Variants in ZNF766 observed in about 807,000 individuals in gnomAD.
The protein encoded by ZNF766 is zinc finger protein 766.
In ZNF766, 13 loss-of-function variants were observed where a neutral mutation model predicts 13.2. The ratio of observed to expected loss-of-function variants is 0.98; its 90% confidence interval spans 0.64 to 1.56. ZNF766 has a LOEUF of 1.56. ZNF766 is among the 40% of genes most tolerant of loss of function. ZNF766 has a pLI of 0.00. For synonymous variants in ZNF766, 178 were observed against 187.6 expected (o/e 0.95, Z 0.42); for missense variants, 521 against 552.2 (o/e 0.94, Z 0.57).
chr19:52,273,284 A>G (rs545315327), intron 1 of ZNF766, among the ~76,000 whole-genome samples: 1 of 152,352 alleles, frequency 6.6e-6, no homozygotes, highest in African/African-American at 2.4e-5. Context: ...CTGGGATTAC[A>G]GGCATGAGCC....
chr19:52,274,228 A>G (rs1264776733), intron 1 of ZNF766, among the ~76,000 whole-genome samples: 2 of 152,080 alleles, frequency 1.3e-5, no homozygotes, highest in African/African-American at 4.8e-5. Flanking sequence ...CCCCAAGACT[A>G]CCCAAATCAG....
intron 3 of ZNF766, 82 bp downstream of exon 3, chr19:52,283,495 A>G (rs1981648405): frequency 6.9e-6 from 10 of 1,441,536 alleles, no homozygotes; most frequent in Non-Finnish European, 8.2e-6. Context: ...ACTGGAGTGC[A>G]TTGGCCATCA....
In ZNF766 at chr19:52,290,232, G is replaced by A. The variant is rs770516942; in HGVS notation, c.441G>A (p.Ser147=). 3.1e-6 allele frequency: 5 copies of A among 1,613,742 alleles called. No homozygotes were observed. The highest frequency in any genetic ancestry group is 2.2e-5 in the East Asian group (1 of 44,902). ...TCATCAGCCACAGTTCTTCAGTTTC[G>A]CCACTTCAAAGAATTTACTCTGGGG... The part of the protein sequence containing the change: ...QKFISHSSSV[S]PLQRIYSGVK... The change falls in exon 4 of 4, where the codon TCG becomes TCA. Residue 147 remains serine, a synonymous_variant. Transcript: ENST00000439461.
chr19:52,289,727 G>A (rs186962531), intron 3 of ZNF766, among the ~76,000 whole-genome samples: 11 of 152,212 alleles, frequency 7.2e-5, no homozygotes, highest in East Asian at 3.9e-4. Flanking sequence ...GAGTCCGGGC[G>A]CGGTGGCTCA....
intron 1 of ZNF766, among the ~76,000 whole-genome samples, chr19:52,279,687 C>T (rs1190889997): frequency 6.6e-6 from 1 of 151,084 alleles, no homozygotes; most frequent in Non-Finnish European, 1.5e-5. Flanking sequence ...CATAGTAAGA[C>T]CTCACATAAA....
At chr19:52,270,971 A>G (rs1401124773) in intron 1 of ZNF766, among the ~76,000 whole-genome samples, 1 of 152,034 alleles carries the variant, frequency 6.6e-6, no homozygotes, top group South Asian at 2.1e-4. Flanking sequence ...TTTAGTAGAG[A>G]CAGGGTTTCA....
In ZNF766 at chr19:52,294,090, G is replaced by T. The variant is rs1982260364; in HGVS notation, c.*2892G>T. On this transcript the variant is annotated 3_prime_UTR_variant, in exon 4 of 4. Transcript: ENST00000439461. ...GTGTGCCAAGTAAGACCCATGGCAG[G>T]CACCTTCATTTTCAGGAAGCGAAAA... 6.6e-6 allele frequency: 1 copy of T among 152,104 alleles called. No individual in the cohort carries two copies. Among genetic ancestry groups the T allele is most frequent in the Non-Finnish European group, 1.5e-5 (1 of 68,014 alleles). 9.4% of individuals were successfully genotyped at this position (152,104 alleles called of 1,614,324 possible). A position where few individuals can be genotyped will look rare whatever the true frequency, so the allele number is the denominator to read the frequency against.
intron 1 of ZNF766, among the ~76,000 whole-genome samples, chr19:52,275,281 A>G (rs1207942184): frequency 6.6e-6 from 1 of 152,244 alleles, no homozygotes; most frequent in African/African-American, 2.4e-5. Flanking sequence ...AAAGGTTAAA[A>G]AAAAATTAAA....
chr19:52,282,209 G>C lies in ZNF766; in HGVS notation c.117G>C (p.Leu39Phe). The C allele has an allele frequency of 1.2e-6, 2 of 1,604,188 alleles. No individual in the cohort carries two copies. Among genetic ancestry groups the C allele is most frequent in the Non-Finnish European group, 8.5e-7 (1 of 1,173,746 alleles). The change falls in exon 2 of 4, where the codon TTG becomes TTC. Residue 39 changes from leucine (L) to phenylalanine (F), a missense_variant. Leu to Phe is a conservative substitution (Grantham distance 22). Coordinates refer to ENST00000439461, the MANE Select transcript of ZNF766 (RefSeq NM_001010851.3). ...AGGCTTTATACAGGGATGTGATGTT[G>C]GAGAACTACAGGAACCTGGTCTCCC... ...VQKALYRDVM[L>F]ENYRNLVSLG...
Position 52,290,236 on chromosome 19 carries a change from C to T in ZNF766, c.445C>T (p.Leu149Phe). The T allele has an allele frequency of 6.2e-7, 1 of 1,613,986 alleles. No individual in the cohort carries two copies. Among genetic ancestry groups the T allele is most frequent in the African/African-American group, 1.3e-5 (1 of 75,056 alleles). ...CAGCCACAGTTCTTCAGTTTCGCCA[C>T]TTCAAAGAATTTACTCTGGGGTCAA... ...FISHSSSVSPLQRIYSGVKTH... is the reference protein window; with the variant it reads ...FISHSSSVSPFQRIYSGVKTH... The change falls in exon 4 of 4, where the codon CTT becomes TTT. Residue 149 changes from leucine to phenylalanine, a missense_variant. By Grantham distance (22) the Leu-to-Phe change is conservative. Coordinates refer to ENST00000439461, the MANE Select transcript of ZNF766 (RefSeq NM_001010851.3).
In ZNF766 at chr19:52,277,972, C is replaced by CTTTT. The variant is rs375658066; in HGVS notation, c.19-4126_19-4123dup. ...TAAAAATTCAGGAAATCTTTTCTGC[C>CTTTT]TTTTTTTTTTTTTTTTGGAGACAAG... On this transcript the variant is annotated intron_variant, in intron 1 of 3. Transcript: ENST00000439461. 2.4e-3 allele frequency among the ~76,000 whole-genome samples: 322 copies of CTTTT among 135,692 alleles called. 1 individual carries two copies. The highest frequency in any genetic ancestry group is 7.6e-3 in the African/African-American group (278 of 36,384). The allele number at this position is 135,692 out of a possible 152,430, so 89.0% of individuals were successfully genotyped here.
In ZNF766 at chr19:52,294,048, CTGTGTGCCTTTTTCT is replaced by C. The variant is rs1568625396; in HGVS notation, c.*2859_*2873del. ...GATAAACATGCACTGTATTATGTTT[CTGTGTGCCTTTTTCT>C]TGTGTGCCAAGTAAGACCCATGGCA... On this transcript the variant is annotated 3_prime_UTR_variant, in exon 4 of 4. Coordinates refer to ENST00000439461, the MANE Select transcript of ZNF766 (RefSeq NM_001010851.3). 6.6e-6 allele frequency: 1 copy of C among 152,188 alleles called. No homozygotes were observed. The highest frequency in any genetic ancestry group is 2.4e-5 in the African/African-American group (1 of 41,442). The allele number at this position is 152,188 out of a possible 1,614,324, so 9.4% of individuals were successfully genotyped here.
intron 1 of ZNF766, 62 bp downstream of exon 1, chr19:52,269,693 G>C: frequency 6.3e-7 from 1 of 1,598,590 alleles, no homozygotes; most frequent in East Asian, 2.2e-5. Context: ...TTCTGTACCC[G>C]GGATGTGGGG....
Position 52,283,405 on chromosome 19 carries a change from T to C in ZNF766, c.266T>C (p.Ile89Thr), listed in dbSNP as rs373120075. The change falls in exon 3 of 4, where the codon ATC becomes ACC. Residue 89 changes from isoleucine (I) to threonine (T), a missense_variant. Transcript: ENST00000439461. ...GATAGGTGGGAAGGTATCAAAGATA[T>C]CAACACAGGTAAGAGCTCAGATGGA... ...NPDRWEGIKD[I>T]NTGRSCAVRS... 19 of 1,593,146 alleles carry C rather than the reference T, an allele frequency of 1.2e-5. No individual in the cohort carries two copies. In the African/African-American group the frequency reaches 1.2e-4, roughly 10 times the overall value.
In ZNF766 at chr19:52,290,423, C is replaced by T. The variant is rs1398469887; in HGVS notation, c.632C>T (p.Ala211Val). The T allele has an allele frequency of 1.2e-6, 2 of 1,613,858 alleles. No individual in the cohort carries two copies. Among genetic ancestry groups the T allele is most frequent in the Admixed American group, 3.3e-5 (2 of 60,028 alleles). The change falls in exon 4 of 4, where the codon GCA becomes GTA. Residue 211 changes from alanine (A) to valine (V), a missense_variant. By Grantham distance (64) the Ala-to-Val change is moderately conservative. Coordinates refer to ENST00000439461, the MANE Select transcript of ZNF766 (RefSeq NM_001010851.3). ...CCTAATCATCAAGTAATCCACACTG[C>T]AGATAAACCTAACAGATGTCATGAA... ...SLPNHQVIHTADKPNRCHECG... is the reference protein window; with the variant it reads ...SLPNHQVIHTVDKPNRCHECG...
intron 1 of ZNF766, among the ~76,000 whole-genome samples, chr19:52,275,265 GT>G (rs1981138941): frequency 6.6e-6 from 1 of 151,970 alleles, no homozygotes; most frequent in East Asian, 1.9e-4. Flanking sequence ...TGACAAAAAT[GT>G]TTAAAAAGGT....
At chr19:52,278,871 A>G (rs375712343) in intron 1 of ZNF766, among the ~76,000 whole-genome samples, 16 of 152,290 alleles carry the variant, frequency 1.1e-4, no homozygotes, top group African/African-American at 3.8e-4. Context: ...AGAAGCTCTT[A>G]AAGTTAATTG....
At chr19:52,277,845 G>A (rs968596333) in intron 1 of ZNF766, among the ~76,000 whole-genome samples, 1 of 152,126 alleles carries the variant, frequency 6.6e-6, no homozygotes, top group Non-Finnish European at 1.5e-5. Flanking sequence ...TTGTTCAGGG[G>A]CCACATCTGG....
At position 52,291,761 on chromosome 19, in the gene ZNF766, C is replaced by CAAA; in HGVS notation, c.*576_*578dup. On this transcript the variant is annotated 3_prime_UTR_variant, in exon 4 of 4. Transcript: ENST00000439461. ...TGGGTGACAGAGCGAGACTCCGTCT[C>CAAA]AAAAAAAAAAAAAAATTATTTGGGT... The CAAA allele has an allele frequency of 7.3e-6, 1 of 136,086 alleles. No individual in the cohort carries two copies. The highest frequency in any genetic ancestry group is 1.5e-5 in the Non-Finnish European group (1 of 64,820). The allele number at this position is 136,086 out of a possible 1,614,324, so 8.4% of individuals were successfully genotyped here.
Sources: gnomAD v4.1 joint callset for allele counts (sites outside exome capture counted in the v4.1 genomes callset) on GRCh38, gnomAD v4.1.1 for gene constraint, MANE v1.5 for transcripts, NCBI Gene and HGNC (gene_info 2026-07-23, HGNC 2026-07-21) for gene names.